ENTR1: variants seen among roughly 807,000 people sequenced by gnomAD.
ENTR1 encodes endosome associated trafficking regulator 1, also known as endosome-associated-trafficking regulator 1.
In ENTR1, 47 loss-of-function variants were observed where a neutral mutation model predicts 47.9. The ratio of observed to expected loss-of-function variants is 0.98; its 90% CI spans 0.78 to 1.25. ENTR1 has a LOEUF of 1.25. Among genes scored for constraint, ENTR1 ranks in the 50% most tolerant of loss-of-function variants. The pLI is 0.00. For missense variants in ENTR1, 668 were observed against 570.5 expected, an observed-to-expected ratio of 1.17 and a Z score of -1.74; for synonymous variants, 290 against 245.8, an observed-to-expected ratio of 1.18 and a Z score of -1.68.
At position 136,410,579 on chromosome 9, in the gene ENTR1, C is replaced by T. The variant is rs1223880707; in HGVS notation, c.-182G>A. The stretch of plus-strand genomic sequence containing the variant: ...GCTTCCGCTCCGAGCACCGAAAGCG[C>T]GTGCCTGAACGCCTTGGGCCGTCGG... On this transcript the variant is annotated 5_prime_UTR_variant, in exon 1 of 10. Coordinates refer to ENST00000357365, the MANE Select transcript of ENTR1 (RefSeq NM_001039707.2). 8.4e-7 allele frequency: 1 copy of T among 1,189,280 alleles called. No homozygotes were observed. The highest frequency in any genetic ancestry group is 1.1e-6 in the Non-Finnish European group (1 of 940,320). 73.7% of individuals were successfully genotyped at this position (1,189,280 alleles called of 1,614,324 possible). A position where few individuals can be genotyped will look rare whatever the true frequency, so the allele number is the denominator to read the frequency against.
Position 136,405,162 on chromosome 9 carries a change from T to C in ENTR1, c.934A>G (p.Lys312Glu). ...LERKLEAKMI[K>E]EESDYHDLES... is the part of the protein sequence containing the mutation. ...AGGTCGTGGTAGTCGCTTTCCTCCTTGATCATTTTTGCTTCTAACTTCCGC... is the reference window on the plus strand; with the variant it reads ...AGGTCGTGGTAGTCGCTTTCCTCCTCGATCATTTTTGCTTCTAACTTCCGC... The change falls in exon 7 of 10, where the codon AAG becomes GAG. Residue 312 changes from lysine (K) to glutamate (E), a missense_variant. By Grantham distance (56) the Lys-to-Glu change is moderately conservative (BLOSUM62 1). Transcript: ENST00000357365. 2 of 1,614,064 alleles carry C rather than the reference T, an allele frequency of 1.2e-6. No homozygotes were observed. Among genetic ancestry groups the C allele is most frequent in the South Asian group, 1.1e-5 (1 of 91,084 alleles).
Position 136,407,885 on chromosome 9 carries a change from G to C in ENTR1, c.343C>G (p.Leu115Val). 1 of 1,613,644 alleles carries C rather than the reference G, an allele frequency of 6.2e-7. No individual in the cohort carries two copies. The change falls in exon 4 of 10, where the codon CTG becomes GTG. Residue 115 changes from leucine to valine, a missense_variant. Physicochemically the swap from Leu to Val is conservative, Grantham distance 32. Transcript: ENST00000357365. Reference protein sequence around the residue: ...EANPFSFREFLKTKNLGLSKE... With the variant: ...EANPFSFREFVKTKNLGLSKE... ...GAGAGGCCGAGGTTCTTGGTCTTCA[G>C]AAACTCTCTAAAAGAGAATGGATTT...
At chr9:136,409,943 G>C (rs757983969) in intron 2 of ENTR1, 147 bp downstream of exon 2, 9 of 954,708 alleles carry the variant, frequency 9.4e-6, no homozygotes, top group Non-Finnish European at 1.5e-5. Context: ...CCTAGCAGGG[G>C]ACTCCGCCTT....
intron 2 of ENTR1, among the ~76,000 whole-genome samples, chr9:136,409,679 T>G (rs1834983051): frequency 6.6e-6 from 1 of 151,612 alleles, no homozygotes; most frequent in South Asian, 2.1e-4. Context: ...ACACAAACAC[T>G]CCTGCACACC....
rs1834517695 is a variant in ENTR1, at chr9:136,402,119, C to G, written c.*669G>C. 1 of 152,948 alleles carries G rather than the reference C, an allele frequency of 6.5e-6. No homozygotes were observed. Among genetic ancestry groups the G allele is most frequent in the Non-Finnish European group, 1.5e-5 (1 of 68,154 alleles). The allele number at this position is 152,948 out of a possible 1,614,324, so 9.5% of individuals were successfully genotyped here. On this transcript the variant is annotated 3_prime_UTR_variant, in exon 10 of 10. Coordinates refer to ENST00000357365, the MANE Select transcript of ENTR1 (RefSeq NM_001039707.2). ...ATACTTGAAATTCCTGAATTCTAACCTGCATTGTACAAAATGCCACTTGAA... is the reference window on the plus strand; with the variant it reads ...ATACTTGAAATTCCTGAATTCTAACGTGCATTGTACAAAATGCCACTTGAA...
In ENTR1 at chr9:136,402,862, G is replaced by A. The variant is rs1443274885; in HGVS notation, c.1234C>T (p.Leu412=). 1.2e-6 allele frequency: 2 copies of A among 1,612,508 alleles called. No individual in the cohort carries two copies. The highest frequency in any genetic ancestry group is 1.7e-5 in the Admixed American group (1 of 59,874). The part of the protein sequence containing the change: ...IKQLVSGAET[L]NLVAEILKSI... ...TTAAGGATTTCGGCAACAAGATTCA[G>A]TGTCTCAGCTCCGGAAACCAGTTGC... Residue 412 remains leucine, a synonymous_variant, in exon 10 of 10, where the codon CTG becomes TTG. Coordinates refer to ENST00000357365, the MANE Select transcript of ENTR1 (RefSeq NM_001039707.2).
intron 6 of ENTR1, among the ~76,000 whole-genome samples, chr9:136,405,697 G>T (rs1834730776): frequency 6.6e-6 from 1 of 152,216 alleles, no homozygotes; most frequent in African/African-American, 2.4e-5. Context: ...AGCCGTGATT[G>T]CGCCACTGCA....
chr9:136,410,264 T>C, intron 1 of ENTR1, 25 bp from the exon 2 acceptor site: 1 of 1,558,156 alleles, frequency 6.4e-7, no homozygotes, highest in Non-Finnish European at 8.7e-7. Context: ...AACAGCGACT[T>C]TACTGCGTGC....
intron 7 of ENTR1, 79 bp downstream of exon 7, chr9:136,405,012 G>T: frequency 8.9e-7 from 1 of 1,128,830 alleles, no homozygotes; most frequent in Non-Finnish European, 1.3e-6. Flanking sequence ...AGGCTGCACC[G>T]GCTGCTGAGG....
Position 136,404,210 on chromosome 9 carries a change from C to A in ENTR1, c.1069-16G>T. The A allele has an allele frequency of 6.3e-7, 1 of 1,595,260 alleles. No homozygotes were observed. The highest frequency in any genetic ancestry group is 8.6e-7 in the Non-Finnish European group (1 of 1,168,528). On this transcript the variant is annotated splice_polypyrimidine_tract_variant and intron_variant, in intron 8 of 9. Transcript: ENST00000357365. The stretch of plus-strand genomic sequence containing the variant: ...AGACCTGCGCCTGGGGGGACGGTTA[C>A]GGCTAAGGACAGAGCAGCTCCGAGG...
At position 136,407,491 on chromosome 9, in the gene ENTR1, T is replaced by C; in HGVS notation, c.473A>G (p.Glu158Gly). ...ATCCTCGAAAAATGGCTGCTGATAC[T>C]CCAGGCCATACCCGCCGGTTTGGGA... Reference protein sequence around the residue: ...PPSQTGGYGLEYQQPFFEDPT... With the variant: ...PPSQTGGYGLGYQQPFFEDPT... Residue 158 changes from glutamate to glycine, a missense_variant, in exon 5 of 10, where the codon GAG becomes GGG. Glu to Gly is a moderately conservative substitution (Grantham distance 98). Coordinates refer to ENST00000357365, the MANE Select transcript of ENTR1 (RefSeq NM_001039707.2). The C allele has an allele frequency of 5.0e-6, 8 of 1,603,444 alleles. No homozygotes were observed. The highest frequency in any genetic ancestry group is 6.8e-6 in the Non-Finnish European group (8 of 1,178,914).
Position 136,410,521 on chromosome 9 carries a change from G to C in ENTR1, c.-124C>G. 9.8e-7 allele frequency: 1 copy of C among 1,025,322 alleles called. No homozygotes were observed. The highest frequency in any genetic ancestry group is 1.2e-6 in the Non-Finnish European group (1 of 825,358). The allele number at this position is 1,025,322 out of a possible 1,614,324, so 63.5% of individuals were successfully genotyped here. ...CGCCCGCCCCCGTCGCCCGCCGCTC[G>C]GCCGCCCCCGCGCCTCCGAGCCTCT... On this transcript the variant is annotated 5_prime_UTR_variant, in exon 1 of 10. Transcript: ENST00000357365.
intron 2 of ENTR1, among the ~76,000 whole-genome samples, chr9:136,409,704 G>C (rs569761048): frequency 6.6e-6 from 1 of 152,012 alleles, no homozygotes; most frequent in African/African-American, 2.4e-5. Context: ...GCACCCAGCA[G>C]CACTTCTGCT....
At position 136,407,259 on chromosome 9, in the gene ENTR1, A is replaced by T. The variant is rs1834811720; in HGVS notation, c.705T>A (p.Thr235=). The T allele has an allele frequency of 1.2e-6, 2 of 1,612,966 alleles. No individual in the cohort carries two copies. Among genetic ancestry groups the T allele is most frequent in the South Asian group, 2.2e-5 (2 of 91,060 alleles). The change falls in exon 5 of 10, where the codon ACT becomes ACA. Residue 235 remains threonine, a synonymous_variant. Transcript: ENST00000357365. The part of the protein sequence containing the change: ...ESLPSWALSD[T]DSRVSPASPA... ...GAGAGGCCGGAGACACGCGAGAATC[A>T]GTGTCACTCAACGCCCACGAGGGCA...
intron 4 of ENTR1, 79 bp from the exon 5 acceptor site, chr9:136,407,640 C>G (rs1036844426): frequency 2.0e-6 from 3 of 1,483,610 alleles, no homozygotes; most frequent in Admixed American, 2.6e-5. Flanking sequence ...TGTTCTGCCT[C>G]GCAACAAGAA....
Position 136,410,589 on chromosome 9 carries a change from C to T in ENTR1, c.-192G>A, listed in dbSNP as rs4400499. ...CGAGCACCGAAAGCGCGTGCCTGAA[C>T]GCCTTGGGCCGTCGGCGAGGGGGAG... is the stretch of plus-strand genomic sequence containing the variant. On this transcript the variant is annotated 5_prime_UTR_variant, in exon 1 of 10. Coordinates refer to ENST00000357365, the MANE Select transcript of ENTR1 (RefSeq NM_001039707.2). The T allele has an allele frequency of 0.23, 284,058 of 1,212,888 alleles. 35,137 individuals carry two copies. Among genetic ancestry groups the T allele is most frequent in the Non-Finnish European group, 0.25 (240,940 of 958,594 alleles). The allele number at this position is 1,212,888 out of a possible 1,614,324, so 75.1% of individuals were successfully genotyped here. A position where few individuals can be genotyped will look rare whatever the true frequency, so the allele number is the denominator to read the frequency against.
chr9:136,406,002 T>A, intron 5 of ENTR1, 24 bp from the exon 6 acceptor site: 2 of 1,579,514 alleles, frequency 1.3e-6, no homozygotes, highest in Non-Finnish European at 1.7e-6. Flanking sequence ...ACATCCTTAT[T>A]AGAAAGTCAG....
In ENTR1 at chr9:136,405,966, T is replaced by G; in HGVS notation, c.832A>C (p.Asn278His). 1 of 1,608,958 alleles carries G rather than the reference T, an allele frequency of 6.2e-7. No homozygotes were observed. The highest frequency in any genetic ancestry group is 8.5e-7 in the Non-Finnish European group (1 of 1,177,924). Reference protein sequence around the residue: ...QISYDALKDENSKLRRKLNEV... With the variant: ...QISYDALKDEHSKLRRKLNEV... ...TTCAGCTTTCTTCTCAGCTTAGAAT[T>G]TTCATCTTTCAGCTGTGGAGAGAGA... Residue 278 changes from asparagine to histidine, a missense_variant, in exon 6 of 10, where the codon AAT (asparagine) becomes CAT (histidine). Physicochemically the swap from Asn to His is moderately conservative, Grantham distance 68. Coordinates refer to ENST00000357365, the MANE Select transcript of ENTR1 (RefSeq NM_001039707.2).
intron 2 of ENTR1, chr9:136,409,802 A>C: frequency 3.7e-6 from 2 of 541,828 alleles, no homozygotes; most frequent in Non-Finnish European, 7.1e-6. Flanking sequence ...ATCACTGCCC[A>C]CTAGGTGAAG....
Sources: gnomAD v4.1 joint callset for allele counts (sites outside exome capture counted in the v4.1 genomes callset) on GRCh38, gnomAD v4.1.1 for gene constraint, MANE v1.5 for transcripts, NCBI Gene and HGNC (gene_info 2026-07-23, HGNC 2026-07-21) for gene names.